Variants in C5orf34 observed in about 807,000 individuals in gnomAD.
C5orf34 encodes chromosome 5 open reading frame 34.
C5orf34 carries 73 observed loss-of-function variants against 78.4 expected under a neutral mutation model. That is an observed-to-expected ratio of 0.93 (90% confidence interval 0.77 to 1.13). The LOEUF is 1.13. Ranked by LOEUF, C5orf34 falls within the 50% of genes most tolerant of loss-of-function variation. The pLI is 0.00. For missense variants in C5orf34, 730 were observed against 732.7 expected (o/e 1.00, Z 0.04); for synonymous variants, 251 against 246.6 (o/e 1.02, Z -0.17).
intron 5 of C5orf34, 48 bp downstream of exon 5, chr5:43,503,617 C>A: frequency 8.2e-7 from 1 of 1,220,732 alleles, no homozygotes. Flanking sequence ...TCTGTGACAT[C>A]AATAAACAGC....
chr5:43,506,271 G>T lies in C5orf34; in HGVS notation c.409C>A (p.Pro137Thr). ...SLDGHAYLCL[P>T]RSQHEFTVHF... Reference sequence around the variant, plus strand: ...ACTGTAAATTCATGCTGAGATCTGGGCAGGCAGAGGTATGCATGACCATCT... The same window carrying T: ...ACTGTAAATTCATGCTGAGATCTGGTCAGGCAGAGGTATGCATGACCATCT... The change falls in exon 4 of 13, where the codon CCC becomes ACC. Residue 137 changes from proline (P) to threonine (T), a missense_variant. By Grantham distance (38) the Pro-to-Thr change is conservative (BLOSUM62 -1). Coordinates refer to ENST00000306862, the MANE Select transcript of C5orf34 (RefSeq NM_198566.4). 1 of 1,614,122 alleles carries T rather than the reference G, an allele frequency of 6.2e-7. No individual in the cohort carries two copies. Among genetic ancestry groups the T allele is most frequent in the Non-Finnish European group, 8.5e-7 (1 of 1,180,006 alleles).
chr5:43,513,286 G>A (rs1275982096), intron 1 of C5orf34, among the ~76,000 whole-genome samples: 1 of 152,074 alleles, frequency 6.6e-6, no homozygotes, highest in Non-Finnish European at 1.5e-5. Flanking sequence ...TCAGGTGGCT[G>A]CCTGCTAGAC....
chr5:43,510,426 C>T (rs1310026056), intron 1 of C5orf34, among the ~76,000 whole-genome samples: 1 of 152,098 alleles, frequency 6.6e-6, no homozygotes, highest in Non-Finnish European at 1.5e-5. Flanking sequence ...AGTTGGGTTT[C>T]CTCCCTCTCC....
intron 8 of C5orf34, 90 bp from the exon 9 acceptor site, chr5:43,492,980 T>C: frequency 1.2e-6 from 1 of 830,774 alleles, no homozygotes; most frequent in Non-Finnish European, 1.8e-6. Context: ...CAATTTTGGA[T>C]ACTTATTCAG....
At chr5:43,511,316 T>TCTGCCCGGCAGCCGCC (rs1372869570) in intron 1 of C5orf34, 1 of 157,900 alleles carries the variant, frequency 6.3e-6, no homozygotes, top group African/African-American at 2.4e-5. Flanking sequence ...GAGGACCGTC[T>TCTGCCCGGCAGCCGCC]CTGCCCGGCA....
intron 1 of C5orf34, chr5:43,510,994 A>G: frequency 4.7e-6 from 1 of 214,128 alleles, no homozygotes; most frequent in South Asian, 5.8e-5. Context: ...CTAGGAAGTG[A>G]GGAGCGTCTC....
At chr5:43,512,068 T>C (rs1447121416) in intron 1 of C5orf34, among the ~76,000 whole-genome samples, 1 of 151,696 alleles carries the variant, frequency 6.6e-6, no homozygotes, top group South Asian at 2.1e-4. Context: ...CATTCACACC[T>C]TACCATTTAC....
At position 43,503,756 on chromosome 5, in the gene C5orf34, T is replaced by C; in HGVS notation, c.937A>G (p.Asn313Asp). 1 of 1,606,236 alleles carries C rather than the reference T, an allele frequency of 6.2e-7. No homozygotes were observed. The change falls in exon 5 of 13, where the codon AAT (asparagine) becomes GAT (aspartate). Residue 313 changes from asparagine to aspartate, a missense_variant. Coordinates refer to ENST00000306862, the MANE Select transcript of C5orf34 (RefSeq NM_198566.4). The stretch of plus-strand genomic sequence containing the variant: ...CTCTGTAAAAGTGAATCACAAAAAT[T>C]CCACCTGTGAAGGATAAAATACAAG... ...SCPVPHLHRWNFCDSLLQRQS... is the reference protein window; with the variant it reads ...SCPVPHLHRWDFCDSLLQRQS...
At chr5:43,510,362 T>C (rs1746170400) in intron 1 of C5orf34, among the ~76,000 whole-genome samples, 1 of 152,202 alleles carries the variant, frequency 6.6e-6, no homozygotes, top group Non-Finnish European at 1.5e-5. Flanking sequence ...ACCTCTAAAG[T>C]ACTATGTCTT....
rs1363206556 is a variant in C5orf34 at position 43,505,880 on chromosome 5, T to C, written c.800A>G (p.Asn267Ser). ...TATATGTGCATCAATTTTAGACATA[T>C]TGCTGATTTTATTATGAAAATGAAG... ...LALHFHNKISNMSKIDAHITQ... is the reference protein window; with the variant it reads ...LALHFHNKISSMSKIDAHITQ... The change falls in exon 4 of 13, where the codon AAT becomes AGT. Residue 267 changes from asparagine (N) to serine (S), a missense_variant. Physicochemically the swap from Asn to Ser is conservative, Grantham distance 46. Coordinates refer to ENST00000306862, the MANE Select transcript of C5orf34 (RefSeq NM_198566.4). 2 of 1,613,976 alleles carry C rather than the reference T, an allele frequency of 1.2e-6. No individual in the cohort carries two copies. Among genetic ancestry groups the C allele is most frequent in the East Asian group, 2.2e-5 (1 of 44,878 alleles).
chr5:43,497,741 C>T (rs544058573), intron 6 of C5orf34, among the ~76,000 whole-genome samples: 1 of 152,288 alleles, frequency 6.6e-6, no homozygotes, highest in Admixed American at 6.5e-5. Context: ...AAGTCTTTGT[C>T]CTTTTATCTT....
At chr5:43,489,834 A>G (rs1344479086) in intron 11 of C5orf34, among the ~76,000 whole-genome samples, 2 of 152,074 alleles carry the variant, frequency 1.3e-5, no homozygotes, top group East Asian at 3.8e-4. Context: ...AGCTTCCCAA[A>G]TTGTTCCTGG....
chr5:43,492,291 A>C lies in C5orf34; in HGVS notation c.1504T>G (p.Leu502Val), dbSNP rs773299218. ...EKRQVNQGLNLGWCKLTFPDG... is the reference protein window; with the variant it reads ...EKRQVNQGLNVGWCKLTFPDG... ...GGAAAAGTTAACTTACACCAACCTAAGTTAAGACCTTGATTTACCTGAAGA... is the reference window on the plus strand; with the variant it reads ...GGAAAAGTTAACTTACACCAACCTACGTTAAGACCTTGATTTACCTGAAGA... Residue 502 changes from leucine (L) to valine (V), a missense_variant, in exon 10 of 13, where the codon TTA becomes GTA. By Grantham distance (32) the Leu-to-Val change is conservative. Transcript: ENST00000306862. 3.7e-6 allele frequency: 6 copies of C among 1,607,256 alleles called. No homozygotes were observed. The highest frequency in any genetic ancestry group is 5.1e-6 in the Non-Finnish European group (6 of 1,176,312).
chr5:43,506,423 A>G (rs764655040), intron 3 of C5orf34, 29 bp from the exon 4 acceptor site: 1 of 1,552,610 alleles, frequency 6.4e-7, no homozygotes. Context: ...AGAGACGGTG[A>G]GTATTTTCTG....
chr5:43,495,772 A>G (rs1561209516), intron 6 of C5orf34: 8 of 1,581,076 alleles, frequency 5.1e-6, no homozygotes, highest in Non-Finnish European at 6.1e-6. Flanking sequence ...CCAGAGCCTC[A>G]AGCAGCATGG....
intron 3 of C5orf34, among the ~76,000 whole-genome samples, chr5:43,508,056 C>T (rs986934537): frequency 3.7e-5 from 5 of 134,160 alleles, no homozygotes; most frequent in African/African-American, 1.1e-4. Context: ...CCAGCCCTGG[C>T]GACAGTGTGA....
At chr5:43,508,937 T>C (rs1746104118) in intron 2 of C5orf34, among the ~76,000 whole-genome samples, 1 of 152,074 alleles carries the variant, frequency 6.6e-6, no homozygotes, top group South Asian at 2.1e-4. Context: ...CTACAAAAAA[T>C]TTAAAAATTA....
chr5:43,510,810 G>A (rs1452144662), intron 1 of C5orf34, among the ~76,000 whole-genome samples: 3 of 152,190 alleles, frequency 2.0e-5, no homozygotes, highest in Admixed American at 6.5e-5. Flanking sequence ...CCTCCCAGCC[G>A]CCTGCCTTGG....
chr5:43,498,900 T>C (rs1270660974), intron 6 of C5orf34, among the ~76,000 whole-genome samples: 1 of 152,240 alleles, frequency 6.6e-6, no homozygotes, highest in Non-Finnish European at 1.5e-5. Context: ...GCATCCCATC[T>C]ATGTTTTGGC....
Sources: gnomAD v4.1 joint callset for allele counts (sites outside exome capture counted in the v4.1 genomes callset) on GRCh38, gnomAD v4.1.1 for gene constraint, MANE v1.5 for transcripts, NCBI Gene and HGNC (gene_info 2026-07-23, HGNC 2026-07-21) for gene names.